Variants in MCC observed in about 807,000 individuals in gnomAD.
MCC encodes the protein colorectal mutant cancer protein.
A neutral mutation model predicts 116.2 loss-of-function variants in MCC; 90 were observed. The observed-to-expected ratio is 0.77, with a 90% CI of 0.65 to 0.92. The LOEUF (loss-of-function observed/expected upper bound fraction) is 0.92, where lower values mean the gene tolerates loss of function less well. Among genes scored for constraint, MCC ranks in the 40% least tolerant of loss-of-function variants. The pLI is 0.00. For synonymous variants in MCC, 578 were observed against 510.5 expected (o/e 1.13, Z -1.78); for missense variants, 1,516 against 1,312.2 (o/e 1.16, Z -2.40).
chr5:113,074,571 GATA>G (rs56906060), intron 11 of MCC, among the ~76,000 whole-genome samples: 77,321 of 151,874 alleles, frequency 0.51, 22,482 homozygotes, highest in East Asian at 0.67. Flanking sequence ...TCAGACGATA[GATA>G]ATAACAAACT....
chr5:113,285,617 T>C (rs1431051406), intron 3 of MCC, among the ~76,000 whole-genome samples: 1 of 152,142 alleles, frequency 6.6e-6, no homozygotes, highest in Admixed American at 6.5e-5. Context: ...CCTGAAATGA[T>C]TGTCCCCCAT....
intron 2 of MCC, among the ~76,000 whole-genome samples, chr5:113,373,874 T>C (rs982791720): frequency 6.6e-6 from 1 of 152,044 alleles, no homozygotes; most frequent in Non-Finnish European, 1.5e-5. Flanking sequence ...TCCCTATACA[T>C]GCTAAGTTGA....
At chr5:113,246,634 G>T (rs1373118719) in intron 3 of MCC, among the ~76,000 whole-genome samples, 1 of 152,222 alleles carries the variant, frequency 6.6e-6, no homozygotes, top group African/African-American at 2.4e-5. Context: ...CGGAGATACT[G>T]TCTTTTGTCT....
intron 2 of MCC, among the ~76,000 whole-genome samples, chr5:113,367,547 T>C (rs1228371907): frequency 7.0e-6 from 1 of 142,600 alleles, no homozygotes; most frequent in African/African-American, 2.7e-5. Flanking sequence ...CTCATTGCAA[T>C]AGAAATTGAC....
rs932819242 is a variant in MCC, at chr5:113,029,168, G to A, written c.2757-112C>T. On this transcript the variant is annotated intron_variant, in intron 17 of 18. Coordinates refer to ENST00000408903, the MANE Select transcript of MCC (RefSeq NM_001085377.2). ...GAAGGTTTAGCTTGCAAAGCCTAAAGGCAAGGGAGAGAAAAGATACTAAAG... is the reference window on the plus strand; with the variant it reads ...GAAGGTTTAGCTTGCAAAGCCTAAAAGCAAGGGAGAGAAAAGATACTAAAG... 5 of 1,053,086 alleles carry A rather than the reference G, an allele frequency of 4.7e-6. 1 individual carries two copies. In the Admixed American group the frequency reaches 1.4e-4, roughly 30 times the overall value. 65.2% of individuals were successfully genotyped at this position (1,053,086 alleles called of 1,614,324 possible).
chr5:113,309,880 TC>T (rs1191224561), intron 3 of MCC, among the ~76,000 whole-genome samples: 1 of 147,952 alleles, frequency 6.8e-6, no homozygotes, highest in Non-Finnish European at 1.5e-5. Context: ...CTTCCCCCCT[TC>T]CTTTCTTCCT....
At chr5:113,188,223 T>G (rs1299548943) in intron 3 of MCC, among the ~76,000 whole-genome samples, 2 of 152,240 alleles carry the variant, frequency 1.3e-5, no homozygotes, top group Non-Finnish European at 2.9e-5. Context: ...CCCCATTGTC[T>G]ATTACAAATT....
chr5:113,289,987 T>G (rs949767028), intron 3 of MCC, among the ~76,000 whole-genome samples: 19 of 152,234 alleles, frequency 1.2e-4, no homozygotes, highest in African/African-American at 4.3e-4. Context: ...GTGTGAATAC[T>G]AGGTGATCTT....
chr5:113,286,319 C>G (rs575605785), intron 3 of MCC, among the ~76,000 whole-genome samples: 2 of 152,324 alleles, frequency 1.3e-5, no homozygotes, highest in Admixed American at 6.5e-5. Flanking sequence ...ACCACATAAC[C>G]AGTCAGAGGC....
In MCC at chr5:113,484,342, T is replaced by A. The variant is rs1580433318; in HGVS notation, c.170+3903A>T. Among the ~76,000 whole-genome samples, 15 of 152,254 alleles carry A rather than the reference T, an allele frequency of 9.9e-5. No individual in the cohort carries two copies. In the East Asian group the frequency reaches 2.9e-3, roughly 29 times the overall value. On this transcript the variant is annotated intron_variant, in intron 1 of 18. Transcript: ENST00000408903. Reference sequence around the variant, plus strand: ...TATGGAAAATATCTGAAAATGAAAATGTTTGAAACATTTTCCAATATACAT... The same window carrying A: ...TATGGAAAATATCTGAAAATGAAAAAGTTTGAAACATTTTCCAATATACAT...
At chr5:113,447,463 G>C (rs1291167482) in intron 1 of MCC, among the ~76,000 whole-genome samples, 1 of 152,020 alleles carries the variant, frequency 6.6e-6, no homozygotes, top group Non-Finnish European at 1.5e-5. Context: ...ATGGATATTG[G>C]AAGAATCTCT....
At chr5:113,396,307 G>A (rs867344355) in intron 1 of MCC, among the ~76,000 whole-genome samples, 24 of 152,146 alleles carry the variant, frequency 1.6e-4, no homozygotes, top group Admixed American at 5.2e-4. Flanking sequence ...CAACCTGGGC[G>A]AAAGAATGAG....
intron 1 of MCC, among the ~76,000 whole-genome samples, chr5:113,419,394 C>T (rs1007114407): frequency 4.0e-5 from 6 of 150,734 alleles, no homozygotes; most frequent in African/African-American, 1.2e-4. Flanking sequence ...AGATGGGTCT[C>T]GTTATGTGCC....
intron 2 of MCC, among the ~76,000 whole-genome samples, chr5:113,359,852 G>A (rs1768503776): frequency 6.6e-6 from 1 of 152,156 alleles, no homozygotes; most frequent in Admixed American, 6.5e-5. Flanking sequence ...TGGGGAGTAG[G>A]GGTAACATCC....
chr5:113,259,130 A>C (rs2150347618), intron 3 of MCC, among the ~76,000 whole-genome samples: 1 of 152,336 alleles, frequency 6.6e-6, no homozygotes. Flanking sequence ...TAACCCTATT[A>C]TTGTTAAATA....
At chr5:113,324,426 G>A (rs1429149203) in intron 3 of MCC, among the ~76,000 whole-genome samples, 1 of 152,130 alleles carries the variant, frequency 6.6e-6, no homozygotes, top group Non-Finnish European at 1.5e-5. Flanking sequence ...AAATGTAAAT[G>A]TGCAAAAGAG....
chr5:113,125,044 G>C (rs1757965477), intron 5 of MCC, among the ~76,000 whole-genome samples: 1 of 152,220 alleles, frequency 6.6e-6, no homozygotes, highest in South Asian at 2.1e-4. Context: ...AGAACTTGGA[G>C]GGGAGCAAGT....
At chr5:113,298,223 T>C (rs1766761355) in intron 3 of MCC, among the ~76,000 whole-genome samples, 1 of 152,186 alleles carries the variant, frequency 6.6e-6, no homozygotes, top group Non-Finnish European at 1.5e-5. Flanking sequence ...GAGGAAATGA[T>C]ACAGAAGGTC....
intron 3 of MCC, among the ~76,000 whole-genome samples, chr5:113,199,042 C>A (rs1338805555): frequency 6.6e-6 from 1 of 152,094 alleles, no homozygotes; most frequent in Non-Finnish European, 1.5e-5. Context: ...GTGGTGTGCA[C>A]CTGTAGTCCC....
Sources: gnomAD v4.1 joint callset for allele counts (sites outside exome capture counted in the v4.1 genomes callset) on GRCh38, gnomAD v4.1.1 for gene constraint, MANE v1.5 for transcripts, NCBI Gene and HGNC (gene_info 2026-07-23, HGNC 2026-07-21) for gene names.